NDUFAF6: variants seen among roughly 807,000 people sequenced by gnomAD.
NDUFAF6 encodes NADH:ubiquinone oxidoreductase complex assembly factor 6.
NDUFAF6 carries 45 observed loss-of-function variants against 40.8 expected under a neutral mutation model. The observed-to-expected ratio is 1.10, with a 90% CI of 0.87 to 1.42. NDUFAF6 has a LOEUF of 1.42. Ranked by LOEUF, NDUFAF6 falls within the 40% of genes most tolerant of loss-of-function variation. NDUFAF6 has a pLI of 0.00. For missense variants in NDUFAF6, 435 were observed against 418.5 expected, an observed-to-expected ratio of 1.04 and a Z score of -0.34; for synonymous variants, 185 against 155.9, an observed-to-expected ratio of 1.19 and a Z score of -1.39.
chr8:94,914,852 G>A (rs1819023685), intron 1 of NDUFAF6, among the ~76,000 whole-genome samples: 3 of 152,088 alleles, frequency 2.0e-5, no homozygotes, highest in South Asian at 2.1e-4. Flanking sequence ...ACAAAAGTGA[G>A]TAACATGTGG....
chr8:95,117,977 C>T (rs150012569), downstream of NDUFAF6, among the ~76,000 whole-genome samples: 317 of 152,276 alleles, frequency 2.1e-3, 4 homozygotes, highest in African/African-American at 7.3e-3. Flanking sequence ...GATTCTGTGT[C>T]GGCTGACTGG....
exon 10 of NDUFAF6, chr8:95,075,849 C>A (rs752668014): frequency 6.5e-6 from 3 of 463,822 alleles, no homozygotes; most frequent in Non-Finnish European, 1.2e-5. Context: ...TTTTGAATTA[C>A]CAGAGGAGAA....
upstream of NDUFAF6, among the ~76,000 whole-genome samples, chr8:94,957,719 C>T (rs1453377): frequency 0.51 from 76,984 of 151,996 alleles, 19,914 homozygotes; most frequent in East Asian, 0.72. Context: ...AGCTGAGGAA[C>T]GTGGAAGCGG....
chr8:94,957,558 C>A (rs571429011), upstream of NDUFAF6, among the ~76,000 whole-genome samples: 1 of 152,168 alleles, frequency 6.6e-6, no homozygotes, highest in Admixed American at 6.5e-5. Context: ...AGTGTGACCA[C>A]CTGCAGAGAA....
intron 1 of NDUFAF6, chr8:94,940,335 AAGAAG>A: frequency 1.6e-6 from 2 of 1,251,030 alleles, no homozygotes; most frequent in Non-Finnish European, 2.2e-6. Context: ...AGCACAGAAA[AAGAAG>A]AGATGATACT....
chr8:94,916,705 C>T (rs954130982), intron 1 of NDUFAF6, among the ~76,000 whole-genome samples: 1 of 150,754 alleles, frequency 6.6e-6, no homozygotes, highest in Non-Finnish European at 1.5e-5. Context: ...TCCAGCTATT[C>T]GGGAGGCTGA....
At chr8:95,114,247 G>T (rs1810079980) in intron 4 of NDUFAF6, among the ~76,000 whole-genome samples, 1 of 152,206 alleles carries the variant, frequency 6.6e-6, no homozygotes, top group Non-Finnish European at 1.5e-5. Flanking sequence ...AGAGAAGAAA[G>T]GAGAAGGGTG....
chr8:94,898,771 C>T (rs779198342), intron 1 of NDUFAF6, among the ~76,000 whole-genome samples: 18 of 152,126 alleles, frequency 1.2e-4, no homozygotes, highest in Non-Finnish European at 1.8e-4. Flanking sequence ...TCTTTTTCCC[C>T]ATTCATTAAC....
intron 1 of NDUFAF6, among the ~76,000 whole-genome samples, chr8:94,915,639 T>C (rs1201341135): frequency 1.3e-5 from 2 of 152,240 alleles, no homozygotes; most frequent in East Asian, 1.9e-4. Flanking sequence ...CTTTGAAATA[T>C]CTCCAAACTG....
chr8:95,053,701 C>T (rs1402009809), intron 8 of NDUFAF6, among the ~76,000 whole-genome samples: 3 of 151,782 alleles, frequency 2.0e-5, no homozygotes, highest in South Asian at 4.1e-4. Flanking sequence ...TCTTGGCTCA[C>T]TGCAGCCTCC....
intron 1 of NDUFAF6, among the ~76,000 whole-genome samples, chr8:94,935,706 T>C (rs1041836488): frequency 6.6e-6 from 1 of 152,198 alleles, no homozygotes; most frequent in Non-Finnish European, 1.5e-5. Context: ...TCAAGATCTA[T>C]TGGTAAAGCC....
chr8:95,058,219 A>G lies in NDUFAF6; in HGVS notation c.*282A>G. ...AGGGAATATTGGTGTAGCTGTGCATAGGCCATAAGCCACACTTGAGCCAGT... is the reference window on the plus strand; with the variant it reads ...AGGGAATATTGGTGTAGCTGTGCATGGGCCATAAGCCACACTTGAGCCAGT... On this transcript the variant is annotated 3_prime_UTR_variant, in exon 9 of 9. Transcript: ENST00000396124. The G allele has an allele frequency of 7.2e-7, 1 of 1,385,400 alleles. No individual in the cohort carries two copies. The highest frequency in any genetic ancestry group is 3.4e-5 in the Admixed American group (1 of 29,842). The allele number at this position is 1,385,400 out of a possible 1,614,324, so 85.8% of individuals were successfully genotyped here.
At chr8:94,966,042 C>G (rs776318258) in intron 1 of NDUFAF6, among the ~76,000 whole-genome samples, 26 of 152,252 alleles carry the variant, frequency 1.7e-4, no homozygotes, top group Non-Finnish European at 3.7e-4. Context: ...CGCTTTGCTC[C>G]CTAGTATGCT....
Position 95,109,038 on chromosome 8 carries a change from G to A in NDUFAF6, n.344+6027G>A, listed in dbSNP as rs78442218. On this transcript the variant is annotated intron_variant and non_coding_transcript_variant, in intron 4 of 5. Transcript: ENST00000523184. ...CTATTCTTTTCATTTTTCTCAATATGTGAAAAATTTTGTGATGTTTGGGTG... is the reference window on the plus strand; with the variant it reads ...CTATTCTTTTCATTTTTCTCAATATATGAAAAATTTTGTGATGTTTGGGTG... Among the ~76,000 whole-genome samples, 927 of 152,198 alleles carry A rather than the reference G, an allele frequency of 6.1e-3. 10 individuals are homozygous for A. Among genetic ancestry groups the A allele is most frequent in the African/African-American group, 0.021 (881 of 41,538 alleles).
At chr8:95,104,436 CA>C (rs2033355912), downstream of NDUFAF6, among the ~76,000 whole-genome samples, 1 of 152,206 alleles carries the variant, frequency 6.6e-6, no homozygotes, top group Non-Finnish European at 1.5e-5. Context: ...TCCCTGTACG[CA>C]TTTACATTTG....
chr8:95,064,354 C>T (rs1832648390), intron 9 of NDUFAF6, among the ~76,000 whole-genome samples: 1 of 152,060 alleles, frequency 6.6e-6, no homozygotes, highest in South Asian at 2.1e-4. Flanking sequence ...TTGTAATACA[C>T]TCTTTCTTAA....
chr8:95,056,935 G>A (rs1430051865), intron 8 of NDUFAF6, among the ~76,000 whole-genome samples: 2 of 150,704 alleles, frequency 1.3e-5, no homozygotes, highest in Non-Finnish European at 3.0e-5. Flanking sequence ...TAATGAATTT[G>A]TTTGTATTTC....
chr8:95,066,842 G>C (rs1252528150), intron 9 of NDUFAF6: 1 of 152,080 alleles, frequency 6.6e-6, no homozygotes, highest in Non-Finnish European at 1.5e-5. Context: ...TTATTCTCTT[G>C]GTTTTGGACA....
intron 1 of NDUFAF6, among the ~76,000 whole-genome samples, chr8:94,970,476 A>G (rs1040041468): frequency 2.6e-5 from 4 of 152,142 alleles, no homozygotes; most frequent in African/African-American, 9.7e-5. Flanking sequence ...CTGTAATCCC[A>G]GTGGCTCAGG....
Sources: allele counts gnomAD v4.1 joint callset (sites outside exome capture counted in the v4.1 genomes callset), GRCh38; gene constraint gnomAD v4.1.1; transcripts MANE v1.5; gene names NCBI Gene and HGNC (gene_info 2026-07-23, HGNC 2026-07-21).